PRUNE2: variants seen among roughly 807,000 people sequenced by gnomAD.
PRUNE2 encodes prune homolog 2 with BCH domain.
In PRUNE2, 164 loss-of-function variants were observed where a neutral mutation model predicts 252.0. The observed-to-expected ratio is 0.65, with a 90% CI of 0.57 to 0.74. The LOEUF (loss-of-function observed/expected upper bound fraction) is 0.74. PRUNE2 is among the 30% of genes least tolerant of loss of function. The pLI is 0.00. For missense variants in PRUNE2, 3,495 were observed against 3,711.0 expected, an observed-to-expected ratio of 0.94 and a Z score of 1.51; for synonymous variants, 1,292 against 1,350.2, an observed-to-expected ratio of 0.96 and a Z score of 0.94.
chr9:76,827,882 A>G (rs4744812), intron 4 of PRUNE2, among the ~76,000 whole-genome samples: 42,723 of 152,100 alleles, frequency 0.28, 6,175 homozygotes, highest in Middle Eastern at 0.39. Flanking sequence ...AAATGAATGT[A>G]AACATCATAA....
At chr9:76,721,334 T>C (rs1389070547) in intron 6 of PRUNE2, among the ~76,000 whole-genome samples, 4 of 152,246 alleles carry the variant, frequency 2.6e-5, no homozygotes, top group African/African-American at 9.6e-5. Context: ...TGACCTTCAG[T>C]GAATTTTACT....
chr9:76,693,632 C>T (rs868537883), intron 9 of PRUNE2, among the ~76,000 whole-genome samples: 7 of 151,778 alleles, frequency 4.6e-5, no homozygotes, highest in Non-Finnish European at 7.4e-5. Flanking sequence ...TTAGTGGAGA[C>T]GGGGTTTCAT....
intron 8 of PRUNE2, among the ~76,000 whole-genome samples, 191 bp downstream of exon 8, chr9:76,704,570 T>C (rs532044223): frequency 6.6e-6 from 1 of 152,370 alleles, no homozygotes; most frequent in African/African-American, 2.4e-5. Context: ...TCTCGTGCAC[T>C]ATCAGGAATA....
rs572812347 is a variant in PRUNE2 at position 76,838,576 on chromosome 9, C to T, written c.508+7939G>A. Among the ~76,000 whole-genome samples the T allele has an allele frequency of 1.7e-3, 244 of 140,414 alleles. 3 individuals are homozygous for T. Among genetic ancestry groups the T allele is most frequent in the African/African-American group, 6.2e-3 (239 of 38,564 alleles). The allele number at this position is 140,414 out of a possible 152,430, so 92.1% of individuals were successfully genotyped here. On this transcript the variant is annotated intron_variant, in intron 4 of 18. Coordinates refer to ENST00000376718, the MANE Select transcript of PRUNE2 (RefSeq NM_015225.3). ...AGGAGAATTGCTTGAACCTAGAAGG[C>T]GGAGGTTGCAGTGAGCTGAGATTGC... is the stretch of plus-strand genomic sequence containing the variant.
Position 76,638,133 on chromosome 9 carries a change from C to T in PRUNE2, c.8831+53G>A. The T allele has an allele frequency of 7.3e-6, 8 of 1,095,552 alleles. No individual in the cohort carries two copies. The East Asian group carries it at 1.9e-4, about 26-fold the overall frequency. 67.9% of individuals were successfully genotyped at this position (1,095,552 alleles called of 1,614,324 possible). ...CTTTAATTAAAGGTGCTCTATCTGC[C>T]ATTACATGCCACAGACATTAACTCA... On this transcript the variant is annotated intron_variant, in intron 13 of 18. Transcript: ENST00000376718.
At chr9:76,678,180 C>T (rs551713936) in intron 9 of PRUNE2, among the ~76,000 whole-genome samples, 131 of 151,766 alleles carry the variant, frequency 8.6e-4, no homozygotes, top group Admixed American at 2.7e-3. Flanking sequence ...GGCAAAACCC[C>T]GTCTCTACTA....
chr9:76,851,299 G>C (rs1014631459), intron 2 of PRUNE2, among the ~76,000 whole-genome samples: 10 of 152,136 alleles, frequency 6.6e-5, no homozygotes, highest in Non-Finnish European at 1.0e-4. Context: ...CGTAATCCCA[G>C]CACTTTGGGA....
intron 9 of PRUNE2, among the ~76,000 whole-genome samples, chr9:76,694,994 G>A (rs373488781): frequency 3.9e-4 from 60 of 152,252 alleles, no homozygotes; most frequent in Admixed American, 1.1e-3. Flanking sequence ...TGGTATAATA[G>A]ATGACTAATT....
intron 9 of PRUNE2, 84 bp downstream of exon 9, chr9:76,703,253 C>T (rs185931966): frequency 2.8e-4 from 358 of 1,262,844 alleles, no homozygotes; most frequent in African/African-American, 2.3e-3. Context: ...AGGTATTCCT[C>T]ATATTCCATA....
intron 6 of PRUNE2, chr9:76,740,382 G>A (rs1286399775): frequency 6.7e-6 from 1 of 148,658 alleles, no homozygotes; most frequent in Non-Finnish European, 1.5e-5. Flanking sequence ...CCGGGAGGTG[G>A]AGCTTGCAGT....
intron 4 of PRUNE2, among the ~76,000 whole-genome samples, chr9:76,837,610 C>T: frequency 6.7e-6 from 1 of 149,022 alleles, no homozygotes; most frequent in East Asian, 2.0e-4. Flanking sequence ...TATCAGGTGT[C>T]TTTTCAAGAC....
intron 1 of PRUNE2, among the ~76,000 whole-genome samples, chr9:76,887,143 A>G (rs1054344945): frequency 1.3e-5 from 2 of 152,150 alleles, no homozygotes; most frequent in Admixed American, 6.6e-5. Context: ...TATTCCATAA[A>G]TGCTTCCCTG....
chr9:76,719,558 G>T (rs1357640448), intron 6 of PRUNE2, among the ~76,000 whole-genome samples: 1 of 151,854 alleles, frequency 6.6e-6, no homozygotes, highest in Non-Finnish European at 1.5e-5. Flanking sequence ...GGCCAGGGCA[G>T]AAGAATCACT....
chr9:76,622,595 G>C (rs1191439570), intron 17 of PRUNE2, among the ~76,000 whole-genome samples: 1 of 152,100 alleles, frequency 6.6e-6, no homozygotes, highest in African/African-American at 2.4e-5. Flanking sequence ...GAAAAAATCT[G>C]AAAGAGAACT....
chr9:76,714,988 C>T (rs1237130833), intron 6 of PRUNE2, among the ~76,000 whole-genome samples: 1 of 152,196 alleles, frequency 6.6e-6, no homozygotes, highest in Non-Finnish European at 1.5e-5. Context: ...CAACAAAAAA[C>T]ACCATGATGT....
At chr9:76,887,723 C>T (rs929380764) in intron 1 of PRUNE2, among the ~76,000 whole-genome samples, 1 of 152,248 alleles carries the variant, frequency 6.6e-6, no homozygotes, top group Non-Finnish European at 1.5e-5. Flanking sequence ...ATATCCCAGA[C>T]AGCTGTTGCT....
intron 6 of PRUNE2, among the ~76,000 whole-genome samples, chr9:76,782,172 C>A (rs2054485723): frequency 1.3e-5 from 2 of 151,962 alleles, no homozygotes; most frequent in South Asian, 4.1e-4. Context: ...CAAGATGGTG[C>A]CACTGCACTC....
intron 9 of PRUNE2, among the ~76,000 whole-genome samples, chr9:76,659,869 T>C (rs1230551315): frequency 2.0e-5 from 3 of 150,546 alleles, no homozygotes; most frequent in Admixed American, 6.6e-5. Context: ...ATAACATATA[T>C]AGAAAAAATT....
chr9:76,831,438 C>A (rs1231038868), intron 4 of PRUNE2, among the ~76,000 whole-genome samples: 1 of 151,832 alleles, frequency 6.6e-6, no homozygotes, highest in Non-Finnish European at 1.5e-5. Flanking sequence ...CTGTATAAAA[C>A]AATTATAGTA....
Sources: gnomAD v4.1 joint callset for allele counts (sites outside exome capture counted in the v4.1 genomes callset) on GRCh38, gnomAD v4.1.1 for gene constraint, MANE v1.5 for transcripts, NCBI Gene and HGNC (gene_info 2026-07-23, HGNC 2026-07-21) for gene names.